The following APBB1IP variants were observed in gnomAD, a reference collection of about 807,000 sequenced individuals.
The protein encoded by APBB1IP is amyloid beta precursor protein binding family B member 1 interacting protein, also known as amyloid beta A4 precursor protein-binding family B member 1-interacting protein.
Under a neutral mutation model 64.9 loss-of-function variants are expected in APBB1IP, and 27 were observed. That is an observed-to-expected ratio of 0.42 (90% CI 0.31 to 0.57). The LOEUF (loss-of-function observed/expected upper bound fraction) is 0.57. APBB1IP is among the 20% of genes least tolerant of loss of function. APBB1IP has a pLI of 0.20. For missense variants in APBB1IP, 812 were observed against 845.5 expected (o/e 0.96, Z 0.49); for synonymous variants, 392 against 331.0 (o/e 1.18, Z -2.00).
chr10:26,514,396 G>A (rs1836298885), intron 8 of APBB1IP, among the ~76,000 whole-genome samples: 1 of 152,146 alleles, frequency 6.6e-6, no homozygotes, highest in Non-Finnish European at 1.5e-5. Flanking sequence ...GGACTACCTA[G>A]AAAATGTGCA....
chr10:26,485,744 A>T (rs1206219736), intron 2 of APBB1IP, among the ~76,000 whole-genome samples: 1 of 152,222 alleles, frequency 6.6e-6, no homozygotes, highest in Non-Finnish European at 1.5e-5. Flanking sequence ...ATTTACTGAC[A>T]TGTTTACCAA....
intron 14 of APBB1IP, among the ~76,000 whole-genome samples, chr10:26,566,275 GA>G (rs1837042513): frequency 2.6e-5 from 4 of 152,166 alleles, no homozygotes; most frequent in African/African-American, 9.7e-5. Flanking sequence ...TAGAGAGAGA[GA>G]CATAGTCTCG....
At chr10:26,535,178 A>T in intron 9 of APBB1IP, among the ~76,000 whole-genome samples, 1 of 152,150 alleles carries the variant, frequency 6.6e-6, no homozygotes, top group East Asian at 1.9e-4. Flanking sequence ...AAGTTTTGAG[A>T]TTTAAAAATC....
intron 5 of APBB1IP, among the ~76,000 whole-genome samples, chr10:26,502,227 A>G (rs1181872399): frequency 6.6e-6 from 1 of 152,268 alleles, no homozygotes; most frequent in Admixed American, 6.5e-5. Context: ...TATAAATAGA[A>G]GAGATACTTA....
chr10:26,486,391 C>T (rs952870320), intron 2 of APBB1IP, among the ~76,000 whole-genome samples: 3 of 152,100 alleles, frequency 2.0e-5, no homozygotes, highest in Non-Finnish European at 2.9e-5. Flanking sequence ...ACAGATTCCT[C>T]GACCGACTAG....
At chr10:26,540,782 AT>A (rs747317203) in intron 10 of APBB1IP, among the ~76,000 whole-genome samples, 1 of 152,204 alleles carries the variant, frequency 6.6e-6, no homozygotes, top group Non-Finnish European at 1.5e-5. Flanking sequence ...AGTGCCTGTT[AT>A]CCGTGGAGGA....
At chr10:26,482,512 G>C (rs1237739607) in intron 2 of APBB1IP, among the ~76,000 whole-genome samples, 1 of 152,126 alleles carries the variant, frequency 6.6e-6, no homozygotes, top group Admixed American at 6.5e-5. Context: ...TGACTTCACA[G>C]TTTCCACCAG....
intron 2 of APBB1IP, among the ~76,000 whole-genome samples, chr10:26,458,433 G>C (rs1394743497): frequency 6.6e-6 from 1 of 151,722 alleles, no homozygotes; most frequent in Non-Finnish European, 1.5e-5. Flanking sequence ...AAGGAAGGGA[G>C]GGAGGGATGG....
intron 6 of APBB1IP, among the ~76,000 whole-genome samples, chr10:26,506,258 G>GGC (rs1564363575): frequency 7.2e-6 from 1 of 139,288 alleles, no homozygotes; most frequent in Non-Finnish European, 1.6e-5. Flanking sequence ...TGTGGGGGGG[G>GGC]GGGGTGGGGG....
chr10:26,485,668 T>G (rs1346381933), intron 2 of APBB1IP, among the ~76,000 whole-genome samples: 2 of 152,190 alleles, frequency 1.3e-5, no homozygotes, highest in Non-Finnish European at 2.9e-5. Flanking sequence ...TTTCCTTATT[T>G]TATAGACAAG....
rs973103895 is a variant in APBB1IP, at chr10:26,567,555, G to T, written c.*67G>T. 6.7e-7 allele frequency: 1 copy of T among 1,495,476 alleles called. No individual in the cohort carries two copies. The highest frequency in any genetic ancestry group is 1.4e-5 in the African/African-American group (1 of 70,948). 92.6% of individuals were successfully genotyped at this position (1,495,476 alleles called of 1,614,324 possible). ...ACCCCGAGCGCAGGTTTTGCTAGCAGATTGCCCTGACATCTTGTTCATTTC... is the reference window on the plus strand; with the variant it reads ...ACCCCGAGCGCAGGTTTTGCTAGCATATTGCCCTGACATCTTGTTCATTTC... On this transcript the variant is annotated 3_prime_UTR_variant, in exon 15 of 15. Transcript: ENST00000376236.
At chr10:26,461,436 A>C (rs2132406790) in intron 2 of APBB1IP, among the ~76,000 whole-genome samples, 1 of 152,290 alleles carries the variant, frequency 6.6e-6, no homozygotes, top group Non-Finnish European at 1.5e-5. Flanking sequence ...AAATTCTGAA[A>C]TCTTTGTCTT....
chr10:26,482,082 TTTTG>T (rs1835841370), intron 2 of APBB1IP, among the ~76,000 whole-genome samples: 1 of 152,126 alleles, frequency 6.6e-6, no homozygotes, highest in Admixed American at 6.6e-5. Context: ...TCCATATGAA[TTTTG>T]TTTGTGACTC....
At chr10:26,565,426 G>T (rs1432270425) in intron 14 of APBB1IP, among the ~76,000 whole-genome samples, 1 of 152,172 alleles carries the variant, frequency 6.6e-6, no homozygotes. Context: ...ATGAGCTGAG[G>T]GTGGTTTATA....
In APBB1IP at chr10:26,541,665, G is replaced by A. The variant is rs200189959; in HGVS notation, c.1128G>A (p.Ala376=). Reference sequence around the variant, plus strand: ...CTCAGCATAAAATGAAATATAAAGCGCCCACTGACTATTGCTTTGTTTTAA... The same window carrying A: ...CTCAGCATAAAATGAAATATAAAGCACCCACTGACTATTGCTTTGTTTTAA... ...YGTQHKMKYK[A]PTDYCFVLKH... is the part of the protein sequence containing the mutation. The change falls in exon 11 of 15, where the codon GCG becomes GCA. Residue 376 remains alanine (A), a synonymous_variant. Coordinates refer to ENST00000376236, the MANE Select transcript of APBB1IP (RefSeq NM_019043.4). 36 of 1,609,404 alleles carry A rather than the reference G, an allele frequency of 2.2e-5. No homozygotes were observed. The highest frequency in any genetic ancestry group is 4.5e-5 in the East Asian group (2 of 44,668).
intron 2 of APBB1IP, among the ~76,000 whole-genome samples, chr10:26,442,587 G>T (rs1448256192): frequency 1.3e-5 from 2 of 152,024 alleles, no homozygotes; most frequent in African/African-American, 2.4e-5. Flanking sequence ...AAACTGGAGA[G>T]AAACAAAAAA....
chr10:26,489,641 C>T (rs749842577), intron 2 of APBB1IP, among the ~76,000 whole-genome samples: 1 of 152,194 alleles, frequency 6.6e-6, no homozygotes, highest in Non-Finnish European at 1.5e-5. Flanking sequence ...TATAGAACAG[C>T]TCTTGCAAAA....
chr10:26,536,751 G>A (rs1245940006), intron 10 of APBB1IP, among the ~76,000 whole-genome samples: 1 of 126,414 alleles, frequency 7.9e-6, no homozygotes, highest in African/African-American at 3.1e-5. Flanking sequence ...GACTACAGGT[G>A]CATGCCACCA....
chr10:26,557,325 C>A (rs924317160), intron 11 of APBB1IP, among the ~76,000 whole-genome samples: 1 of 152,130 alleles, frequency 6.6e-6, no homozygotes, highest in Non-Finnish European at 1.5e-5. Context: ...TTCTCACCGT[C>A]GGTAGAGAGA....
Sources: allele counts gnomAD v4.1 joint callset (sites outside exome capture counted in the v4.1 genomes callset), GRCh38; gene constraint gnomAD v4.1.1; transcripts MANE v1.5; gene names NCBI Gene and HGNC (gene_info 2026-07-23, HGNC 2026-07-21).